The following CCDC169 variants were observed in gnomAD, a reference collection of about 807,000 sequenced individuals.
CCDC169 encodes coiled-coil domain containing 169.
Under a neutral mutation model 36.0 loss-of-function variants are expected in CCDC169, and 30 were observed. The ratio of observed to expected loss-of-function variants is 0.83; its 90% confidence interval spans 0.62 to 1.13. CCDC169 has a LOEUF of 1.13. CCDC169 is among the 50% of genes most tolerant of loss of function. The pLI is 0.00. For synonymous variants in CCDC169, 85 were observed against 81.5 expected, an observed-to-expected ratio of 1.04 and a Z score of -0.23; for missense variants, 245 against 245.9, an observed-to-expected ratio of 1.00 and a Z score of 0.03.
At chr13:36,277,770 C>G (rs1877009856) in intron 4 of CCDC169, among the ~76,000 whole-genome samples, 2 of 151,950 alleles carry the variant, frequency 1.3e-5, no homozygotes, top group Admixed American at 1.3e-4. Context: ...CATGGCAAAA[C>G]CCCATCTCCA....
At chr13:36,254,312 G>A (rs1180083641) in intron 4 of CCDC169, among the ~76,000 whole-genome samples, 169 bp from the exon 5 acceptor site, 1 of 126,260 alleles carries the variant, frequency 7.9e-6, no homozygotes, top group African/African-American at 3.0e-5. Context: ...GTCTCACTCT[G>A]TCACCCAGGC....
intron 4 of CCDC169, among the ~76,000 whole-genome samples, chr13:36,259,598 G>A (rs764072080): frequency 4.6e-5 from 7 of 152,098 alleles, no homozygotes; most frequent in Admixed American, 6.5e-5. Context: ...GACAGCCCAC[G>A]ACCAACCAGA....
At chr13:36,268,174 T>C (rs1875577505) in intron 4 of CCDC169, among the ~76,000 whole-genome samples, 1 of 152,186 alleles carries the variant, frequency 6.6e-6, no homozygotes, top group South Asian at 2.1e-4. Flanking sequence ...GTATACATTC[T>C]TCTCATGAGC....
chr13:36,244,864 T>G (rs1254877832), intron 7 of CCDC169, among the ~76,000 whole-genome samples: 1 of 151,940 alleles, frequency 6.6e-6, no homozygotes, highest in Non-Finnish European at 1.5e-5. Flanking sequence ...TCTGACACAG[T>G]GGCGTAATAG....
chr13:36,286,761 G>A (rs943876354), intron 2 of CCDC169, among the ~76,000 whole-genome samples: 1 of 152,142 alleles, frequency 6.6e-6, no homozygotes, highest in Non-Finnish European at 1.5e-5. Flanking sequence ...GAGGAAATGG[G>A]AGGGATTCAT....
downstream of CCDC169, among the ~76,000 whole-genome samples, chr13:36,228,092 C>T (rs1008818319): frequency 3.3e-5 from 5 of 152,136 alleles, no homozygotes; most frequent in East Asian, 1.9e-4. Context: ...TGAGTTGTTT[C>T]GACTTCTTGA....
intron 7 of CCDC169, among the ~76,000 whole-genome samples, chr13:36,248,077 A>C (rs1175355797): frequency 6.6e-6 from 1 of 152,216 alleles, no homozygotes; most frequent in East Asian, 1.9e-4. Flanking sequence ...CTGAAGGCTC[A>C]AATGATCAAT....
At chr13:36,292,082 G>A (rs776543270) in intron 2 of CCDC169, among the ~76,000 whole-genome samples, 10 of 150,668 alleles carry the variant, frequency 6.6e-5, no homozygotes, top group Non-Finnish European at 7.4e-5. Flanking sequence ...TCTACCTCCC[G>A]GTTCAATCGA....
At chr13:36,250,366 G>C (rs1374675787) in intron 6 of CCDC169, among the ~76,000 whole-genome samples, 1 of 152,176 alleles carries the variant, frequency 6.6e-6, no homozygotes, top group Non-Finnish European at 1.5e-5. Flanking sequence ...CACACCAAAA[G>C]AGCTTTGCTG....
chr13:36,230,127 T>A (rs1870257123), downstream of CCDC169, among the ~76,000 whole-genome samples: 1 of 152,182 alleles, frequency 6.6e-6, no homozygotes, highest in African/African-American at 2.4e-5. Context: ...ATAGAAGAAG[T>A]TACAGAAATG....
At chr13:36,297,424 C>G (rs185092190) in intron 1 of CCDC169, among the ~76,000 whole-genome samples, 6 of 152,286 alleles carry the variant, frequency 3.9e-5, no homozygotes. Context: ...ACATCCTACC[C>G]GGAAAGCTGC....
At chr13:36,256,451 C>G (rs9546927) in intron 4 of CCDC169, among the ~76,000 whole-genome samples, 1 of 152,102 alleles carries the variant, frequency 6.6e-6, no homozygotes, top group Non-Finnish European at 1.5e-5. Context: ...ACTTATAAAG[C>G]CATCAGATCT....
intron 4 of CCDC169, among the ~76,000 whole-genome samples, chr13:36,276,257 C>T (rs887080302): frequency 6.6e-6 from 1 of 152,154 alleles, no homozygotes; most frequent in African/African-American, 2.4e-5. Context: ...CTGAAATATA[C>T]TCTTTTTCTA....
chr13:36,292,076 C>T (rs761619613), intron 2 of CCDC169, among the ~76,000 whole-genome samples: 1 of 151,376 alleles, frequency 6.6e-6, no homozygotes, highest in Non-Finnish European at 1.5e-5. Flanking sequence ...GCAACCTCTA[C>T]CTCCCGGTTC....
chr13:36,267,227 T>A (rs897636900), intron 4 of CCDC169: 4 of 152,188 alleles, frequency 2.6e-5, no homozygotes, highest in Non-Finnish European at 5.9e-5. Context: ...ATTAGCATAG[T>A]CCCTGTGCAA....
At chr13:36,241,752 T>C (rs1871847887) in intron 7 of CCDC169, among the ~76,000 whole-genome samples, 1 of 152,096 alleles carries the variant, frequency 6.6e-6, no homozygotes. Flanking sequence ...ATTGTTGGGT[T>C]ATAGAGAAGG....
chr13:36,295,533 G>A (rs1160393821), intron 2 of CCDC169, among the ~76,000 whole-genome samples: 1 of 152,106 alleles, frequency 6.6e-6, no homozygotes, highest in Admixed American at 6.5e-5. Flanking sequence ...ATGTAACAAA[G>A]TTTTTGCTAA....
rs1482478852 is a variant in CCDC169 at position 36,231,198 on chromosome 13, G to T, written c.640C>A (p.Pro214Thr). 1.4e-5 allele frequency: 22 copies of T among 1,551,076 alleles called. No homozygotes were observed. The highest frequency in any genetic ancestry group is 1.7e-5 in the Non-Finnish European group (20 of 1,146,654). ...AAATCCATCCAGTTCTGGAATCATG[G>T]ATGGAGTTCTGGAAGATGGTTTGGT... is the stretch of plus-strand genomic sequence containing the variant. ...TRPNHLPELHP is the reference protein window; with the variant it reads ...TRPNHLPELHT The change falls in exon 8 of 8, where the codon CCA becomes ACA. Residue 214 changes from proline (P) to threonine (T), a missense_variant. Pro to Thr is a conservative substitution (Grantham distance 38). Transcript: ENST00000239859.
chr13:36,293,534 T>G (rs1404702177), intron 2 of CCDC169, among the ~76,000 whole-genome samples: 1 of 152,198 alleles, frequency 6.6e-6, no homozygotes, highest in Non-Finnish European at 1.5e-5. Flanking sequence ...TATACCCCTG[T>G]GCCAGTTCTG....
Sources: gnomAD v4.1 joint callset for allele counts (sites outside exome capture counted in the v4.1 genomes callset) on GRCh38, gnomAD v4.1.1 for gene constraint, MANE v1.5 for transcripts, NCBI Gene and HGNC (gene_info 2026-07-23, HGNC 2026-07-21) for gene names.